SMARCB1: variants seen among roughly 807,000 people sequenced by gnomAD.
SMARCB1 encodes the protein SWI/SNF related BAF chromatin remodeling complex subunit B1.
A neutral mutation model predicts 49.0 loss-of-function variants in SMARCB1; 5 were observed. The observed-to-expected ratio is 0.10, with a 90% CI of 0.05 to 0.21. SMARCB1 has a LOEUF of 0.21. SMARCB1 is among the 10% of genes least tolerant of loss of function. SMARCB1 has a pLI of 1.00. For synonymous variants in SMARCB1, 201 were observed against 200.1 expected (o/e 1.00, Z -0.04); for missense variants, 226 against 509.2 (o/e 0.44, Z 5.35).
rs58056758 is a variant in SMARCB1 at position 23,822,957 on chromosome 22, C to CTT, written c.796-2228_796-2227dup. ...TCTGTCAGTGCCCCCACCAGCATAG[C>CTT]TTTTTTTTTTTTTTTTTTTTTTTTT... is the stretch of plus-strand genomic sequence containing the variant. On this transcript the variant is annotated intron_variant, in intron 6 of 8. Coordinates refer to ENST00000644036, the MANE Select transcript of SMARCB1 (RefSeq NM_003073.5). Among the ~76,000 whole-genome samples the CTT allele has an allele frequency of 3.8e-4, 28 of 72,760 alleles. 4 individuals are homozygous for CTT. The highest frequency in any genetic ancestry group is 5.9e-4 in the Non-Finnish European group (22 of 37,376). The allele number at this position is 72,760 out of a possible 152,430, so 47.7% of individuals were successfully genotyped here.
intron 3 of SMARCB1, among the ~76,000 whole-genome samples, chr22:23,795,689 T>A (rs1301225518): frequency 1.4e-5 from 2 of 144,020 alleles, no homozygotes; most frequent in Non-Finnish European, 3.0e-5. Context: ...AATAAATAAA[T>A]AAAAAATAAA....
intron 5 of SMARCB1, 69 bp downstream of exon 5, chr22:23,803,491 T>C: frequency 6.4e-7 from 1 of 1,567,696 alleles, no homozygotes. Context: ...CAGTCCCGTT[T>C]CCTGCCAGCT....
chr22:23,797,691 C>G (rs1229512400), intron 3 of SMARCB1, among the ~76,000 whole-genome samples: 2 of 137,880 alleles, frequency 1.5e-5, no homozygotes, highest in Admixed American at 8.3e-5. Flanking sequence ...GATCTCAGCT[C>G]ACTGCAACCT....
chr22:23,793,480 G>A, intron 2 of SMARCB1, 79 bp from the exon 3 acceptor site: 1 of 1,475,180 alleles, frequency 6.8e-7, no homozygotes, highest in Non-Finnish European at 9.5e-7. Context: ...CGAGGACCTT[G>A]ATGTGCTGCA....
Position 23,836,379 on chromosome 22 carries a change from G to C in SMARCB1, c.*2199G>C. On this transcript the variant is annotated 3_prime_UTR_variant, in exon 9 of 9. Transcript: ENST00000644036. ...GCACCACTGGCAGGAACATCTGTAG[G>C]CTGGTTTGGCACAACCTAGGAGACG... is the stretch of plus-strand genomic sequence containing the variant. 2 of 985,672 alleles carry C rather than the reference G, an allele frequency of 2.0e-6. No individual in the cohort carries two copies. Among genetic ancestry groups the C allele is most frequent in the Non-Finnish European group, 2.4e-6 (2 of 830,018 alleles). 61.1% of individuals were successfully genotyped at this position (985,672 alleles called of 1,614,324 possible). A position where few individuals can be genotyped will look rare whatever the true frequency, so the allele number is the denominator to read the frequency against.
In SMARCB1 at chr22:23,800,827, A is replaced by G. The variant is rs560071959; in HGVS notation, c.363-117A>G. ...AAAGTCAGGTGCACAGACAACTCCCATGGGAGCCTCGAGCCTGACAGAGGT... is the reference window on the plus strand; with the variant it reads ...AAAGTCAGGTGCACAGACAACTCCCGTGGGAGCCTCGAGCCTGACAGAGGT... On this transcript the variant is annotated intron_variant, in intron 3 of 8. Transcript: ENST00000644036. 875 of 860,622 alleles carry G rather than the reference A, an allele frequency of 1.0e-3. 1 individual carries two copies. Among genetic ancestry groups the G allele is most frequent in the Middle Eastern group, 6.2e-3 (28 of 4,506 alleles). 53.3% of individuals were successfully genotyped at this position (860,622 alleles called of 1,614,324 possible).
chr22:23,834,293 CGGGTG>C lies in SMARCB1; in HGVS notation c.*117_*121del. ...GACAGCCCAGCGCCATCCTGAGGATCGGGTGGGGGTGGAGTGGGGGCTTCCAGGTG... is the reference window on the plus strand; with the variant it reads ...GACAGCCCAGCGCCATCCTGAGGATCGGGGTGGAGTGGGGGCTTCCAGGTG... On this transcript the variant is annotated 3_prime_UTR_variant, in exon 9 of 9. Coordinates refer to ENST00000644036, the MANE Select transcript of SMARCB1 (RefSeq NM_003073.5). 1.6e-6 allele frequency: 2 copies of C among 1,214,472 alleles called. No homozygotes were observed. Among genetic ancestry groups the C allele is most frequent in the Non-Finnish European group, 2.4e-6 (2 of 850,576 alleles). The allele number at this position is 1,214,472 out of a possible 1,614,324, so 75.2% of individuals were successfully genotyped here.
intron 6 of SMARCB1, chr22:23,824,451 A>C (rs2030267006): frequency 6.5e-6 from 1 of 152,802 alleles, no homozygotes; most frequent in African/African-American, 2.4e-5. Flanking sequence ...CTGGACCCCG[A>C]AGTGTCCATC....
Position 23,837,727 on chromosome 22 carries a change from G to C in SMARCB1, c.*3547G>C, listed in dbSNP as rs149274985. On this transcript the variant is annotated 3_prime_UTR_variant, in exon 9 of 9. Coordinates refer to ENST00000644036, the MANE Select transcript of SMARCB1 (RefSeq NM_003073.5). ...GCCCATGAGCGCCCAAGGCAGGAACGGTGCCTGGAAAGTGAGCAGGCCGAA... is the reference window on the plus strand; with the variant it reads ...GCCCATGAGCGCCCAAGGCAGGAACCGTGCCTGGAAAGTGAGCAGGCCGAA... 6.2e-7 allele frequency: 1 copy of C among 1,614,006 alleles called. No individual in the cohort carries two copies. The highest frequency in any genetic ancestry group is 8.5e-7 in the Non-Finnish European group (1 of 1,180,006).
At chr22:23,811,652 A>G (rs1018989607) in intron 5 of SMARCB1, among the ~76,000 whole-genome samples, 2 of 152,164 alleles carry the variant, frequency 1.3e-5, no homozygotes, top group African/African-American at 2.4e-5. Context: ...ACAGACCTAA[A>G]TGAAAATGCA....
chr22:23,822,508 T>TAG (rs1465311254), intron 6 of SMARCB1, among the ~76,000 whole-genome samples: 2 of 152,100 alleles, frequency 1.3e-5, no homozygotes, highest in Non-Finnish European at 2.9e-5. Flanking sequence ...CGCCTTCCAG[T>TAG]AGAGGTCTCA....
intron 3 of SMARCB1, 92 bp downstream of exon 3, chr22:23,793,780 A>AATT: frequency 1.2e-5 from 11 of 923,348 alleles, no homozygotes; most frequent in African/African-American, 2.0e-5. Flanking sequence ...AAATTGAAAC[A>AATT]CTTTTTTTTT....
intron 5 of SMARCB1, among the ~76,000 whole-genome samples, chr22:23,811,825 A>G (rs1243529926): frequency 2.0e-5 from 3 of 152,236 alleles, no homozygotes; most frequent in African/African-American, 2.4e-5. Context: ...AAGGAAGGAC[A>G]TTTGAAGAGC....
Position 23,837,684 on chromosome 22 carries a change from GC to G in SMARCB1, c.*3507del. On this transcript the variant is annotated 3_prime_UTR_variant, in exon 9 of 9. Transcript: ENST00000644036. Reference sequence around the variant, plus strand: ...CCAGCAGGTCCACGAGGATGGAGTTGCCCAGCAGCAGCGAGAAGCCCATGAG... The same window carrying G: ...CCAGCAGGTCCACGAGGATGGAGTTGCCAGCAGCAGCGAGAAGCCCATGAG... 1 of 1,613,744 alleles carries G rather than the reference GC, an allele frequency of 6.2e-7. No individual in the cohort carries two copies. The highest frequency in any genetic ancestry group is 1.3e-5 in the African/African-American group (1 of 75,058).
chr22:23,794,531 G>C (rs1236097573), intron 3 of SMARCB1, among the ~76,000 whole-genome samples: 1 of 152,004 alleles, frequency 6.6e-6, no homozygotes, highest in East Asian at 1.9e-4. Flanking sequence ...CATGTAAGTG[G>C]GACCAATTTG....
intron 6 of SMARCB1, among the ~76,000 whole-genome samples, chr22:23,819,861 C>G (rs1336592251): frequency 1.3e-5 from 2 of 151,984 alleles, no homozygotes; most frequent in African/African-American, 4.8e-5. Context: ...GAGTCTCGCT[C>G]TGTTACCCAG....
At chr22:23,821,279 C>G (rs1366998230) in intron 6 of SMARCB1, among the ~76,000 whole-genome samples, 1 of 152,238 alleles carries the variant, frequency 6.6e-6, no homozygotes, top group Non-Finnish European at 1.5e-5. Flanking sequence ...TTATGTGGGA[C>G]AGACTGCATT....
At position 23,835,442 on chromosome 22, in the gene SMARCB1, GC is replaced by G. The variant is rs2030969449; in HGVS notation, c.*1266del. On this transcript the variant is annotated 3_prime_UTR_variant, in exon 9 of 9. Coordinates refer to ENST00000644036, the MANE Select transcript of SMARCB1 (RefSeq NM_003073.5). ...CTGTGCTCCCTGGAAGTGGGGTAGG[GC>G]CCCATGTGGGGCAGAGGCAGAGCTC... is the stretch of plus-strand genomic sequence containing the variant. 1 of 986,264 alleles carries G rather than the reference GC, an allele frequency of 1.0e-6. No individual in the cohort carries two copies. Among genetic ancestry groups the G allele is most frequent in the African/African-American group, 1.7e-5 (1 of 57,292 alleles). The allele number at this position is 986,264 out of a possible 1,614,324, so 61.1% of individuals were successfully genotyped here.
chr22:23,790,701 G>A (rs1367429072), intron 1 of SMARCB1, among the ~76,000 whole-genome samples: 1 of 152,028 alleles, frequency 6.6e-6, no homozygotes, highest in Non-Finnish European at 1.5e-5. Context: ...AAATTAGCCG[G>A]TTGTGGTGGC....
Sources: gnomAD v4.1 joint callset for allele counts (sites outside exome capture counted in the v4.1 genomes callset) on GRCh38, gnomAD v4.1.1 for gene constraint, MANE v1.5 for transcripts, NCBI Gene and HGNC (gene_info 2026-07-23, HGNC 2026-07-21) for gene names.